MVK: variants seen among roughly 807,000 people sequenced by gnomAD.
MVK encodes LH receptor mRNA-binding protein.
In MVK, 34 loss-of-function variants were observed where a neutral mutation model predicts 43.2. The observed-to-expected ratio is 0.79, with a 90% CI of 0.60 to 1.05. The LOEUF (loss-of-function observed/expected upper bound fraction) is 1.05. Ranked by LOEUF, MVK falls within the 50% of genes least tolerant of loss-of-function variation. The pLI, the probability that MVK is intolerant of heterozygous loss-of-function variation, is 0.00. For synonymous variants in MVK, 190 were observed against 219.8 expected, an observed-to-expected ratio of 0.86 and a Z score of 1.20; for missense variants, 395 against 504.0, an observed-to-expected ratio of 0.78 and a Z score of 2.07.
chr12:109,581,875 T>G (rs1451405065), intron 5 of MVK, among the ~76,000 whole-genome samples: 1 of 152,208 alleles, frequency 6.6e-6, no homozygotes, highest in Non-Finnish European at 1.5e-5. Context: ...GGCAGCAGGT[T>G]AGATGAACCC....
In MVK at chr12:109,579,933, T is replaced by G; in HGVS notation, c.358T>G (p.Cys120Gly). 1 of 1,614,232 alleles carries G rather than the reference T, an allele frequency of 6.2e-7. No individual in the cohort carries two copies. The highest frequency in any genetic ancestry group is 8.5e-7 in the Non-Finnish European group (1 of 1,180,048). Residue 120 changes from cysteine (C) to glycine (G), a missense_variant, in exon 4 of 11, where the codon TGC (cysteine) becomes GGC (glycine). Physicochemically the swap from Cys to Gly is radical, Grantham distance 159 (BLOSUM62 -3). Coordinates refer to ENST00000228510, the MANE Select transcript of MVK (RefSeq NM_000431.4). ...LAFLYLYLSI[C>G]RKQRALPSLD... ...CTTTCTTTACTTATACCTGTCCATC[T>G]GCCGGAAGCAGAGGTGTGTGCGTGG...
intron 9 of MVK, among the ~76,000 whole-genome samples, chr12:109,594,737 C>T (rs372285128): frequency 5.4e-4 from 82 of 152,326 alleles, no homozygotes; most frequent in African/African-American, 1.9e-3. Context: ...CCAGCTTGGA[C>T]CACATGCCCA....
At chr12:109,594,702 A>G (rs1021864234) in intron 9 of MVK, among the ~76,000 whole-genome samples, 4 of 152,206 alleles carry the variant, frequency 2.6e-5, no homozygotes, top group African/African-American at 9.6e-5. Flanking sequence ...GGGGCAGAGG[A>G]AACCCTGGGA....
At chr12:109,581,641 A>G in intron 5 of MVK, 91 bp downstream of exon 5, 1 of 1,564,052 alleles carries the variant, frequency 6.4e-7, no homozygotes, top group Non-Finnish European at 8.8e-7. Flanking sequence ...CCTCCCTGTG[A>G]GGTGAGAGGT....
intron 7 of MVK, chr12:109,587,752 G>T (rs11067359): frequency 1.4e-4 from 21 of 152,350 alleles, no homozygotes; most frequent in African/African-American, 5.1e-4. Context: ...CTGGGCCCCC[G>T]GCTAGTTCTC....
Position 109,573,806 on chromosome 12 carries a change from G to C in MVK, c.-82G>C. ...TTGAGGCACGGGCGCTCTGGGTTGT[G>C]GGAGTTGGGGAGCTGCTCCGGCTTC... On this transcript the variant is annotated 5_prime_UTR_variant, in exon 1 of 11. Coordinates refer to ENST00000228510, the MANE Select transcript of MVK (RefSeq NM_000431.4). The C allele has an allele frequency of 3.2e-6, 1 of 310,356 alleles. No individual in the cohort carries two copies. Among genetic ancestry groups the C allele is most frequent in the Non-Finnish European group, 6.1e-6 (1 of 163,774 alleles). The allele number at this position is 310,356 out of a possible 1,614,324, so 19.2% of individuals were successfully genotyped here.
At chr12:109,590,952 A>T in intron 8 of MVK, 91 bp downstream of exon 8, 3 of 1,344,410 alleles carry the variant, frequency 2.2e-6, no homozygotes, top group Non-Finnish European at 3.2e-6. Flanking sequence ...CTGATGGGTT[A>T]TAGGGGGTGT....
intron 5 of MVK, among the ~76,000 whole-genome samples, chr12:109,583,653 A>G (rs1245067863): frequency 6.6e-6 from 1 of 152,204 alleles, no homozygotes; most frequent in Non-Finnish European, 1.5e-5. Flanking sequence ...TTCTAGTTCT[A>G]CATCCCTGAG....
At chr12:109,579,210 G>A in intron 3 of MVK, 1 of 446,562 alleles carries the variant, frequency 2.2e-6, no homozygotes, top group South Asian at 1.6e-5. Flanking sequence ...TGCGACCACA[G>A]CTCACTGTTT....
intron 3 of MVK, among the ~76,000 whole-genome samples, chr12:109,578,240 C>G (rs1885048000): frequency 6.6e-6 from 1 of 151,908 alleles, no homozygotes; most frequent in South Asian, 2.1e-4. Flanking sequence ...CTTTTGCTCC[C>G]TCCTGATAGT....
At chr12:109,573,481 G>T, upstream of MVK, 1 of 1,601,248 alleles carries the variant, frequency 6.2e-7, no homozygotes, top group African/African-American at 1.3e-5. Flanking sequence ...ACACAGCCAT[G>T]AGCCAGGCTG....
At chr12:109,573,481 G>C (rs773872061), upstream of MVK, 9 of 1,601,130 alleles carry the variant, frequency 5.6e-6, no homozygotes, top group Admixed American at 3.4e-5. Context: ...ACACAGCCAT[G>C]AGCCAGGCTG....
At chr12:109,589,112 C>G (rs924537452) in intron 7 of MVK, 3 of 152,512 alleles carry the variant, frequency 2.0e-5, no homozygotes, top group African/African-American at 7.3e-5. Context: ...GCCTGGGGAG[C>G]GAGGAGAGAA....
intron 7 of MVK, among the ~76,000 whole-genome samples, chr12:109,587,427 T>G (rs939961480): frequency 1.7e-4 from 26 of 152,074 alleles, no homozygotes; most frequent in Admixed American, 5.3e-4. Context: ...TCTGTTCTGT[T>G]TGCGATTTCA....
chr12:109,590,407 T>C, intron 7 of MVK: 2 of 361,090 alleles, frequency 5.5e-6, no homozygotes, highest in Non-Finnish European at 1.1e-5. Context: ...TGGTGGCTTC[T>C]TACCCTTCCT....
chr12:109,573,763 G>C (rs1013469718), upstream of MVK: 1 of 494,272 alleles, frequency 2.0e-6, no homozygotes, highest in South Asian at 2.0e-5. Flanking sequence ...CTGGCCTGAA[G>C]TACAACGCCT....
chr12:109,574,976 C>A, intron 2 of MVK, 76 bp downstream of exon 2: 1 of 1,384,220 alleles, frequency 7.2e-7, no homozygotes, highest in Non-Finnish European at 1.0e-6. Context: ...GGTAAAAGGA[C>A]ACCCTGAGGC....
chr12:109,584,703 A>G (rs980419137), intron 5 of MVK, among the ~76,000 whole-genome samples: 1 of 152,080 alleles, frequency 6.6e-6, no homozygotes, highest in African/African-American at 2.4e-5. Context: ...TGGCCAACAC[A>G]GCAAAAACCC....
intron 4 of MVK, among the ~76,000 whole-genome samples, chr12:109,580,742 T>C (rs1473766517): frequency 6.6e-6 from 1 of 152,156 alleles, no homozygotes; most frequent in Non-Finnish European, 1.5e-5. Flanking sequence ...AGTTTGACAG[T>C]TCTTGCTTGG....
Sources: allele counts gnomAD v4.1 joint callset (sites outside exome capture counted in the v4.1 genomes callset), GRCh38; gene constraint gnomAD v4.1.1; transcripts MANE v1.5; gene names NCBI Gene and HGNC (gene_info 2026-07-23, HGNC 2026-07-21).